CCDC91: variants seen among roughly 807,000 people sequenced by gnomAD.
CCDC91 encodes coiled-coil domain containing 91, also known as coiled-coil domain-containing protein 91.
Under a neutral mutation model 63.2 loss-of-function variants are expected in CCDC91, and 48 were observed. The ratio of observed to expected loss-of-function variants is 0.76; its 90% CI spans 0.60 to 0.97. The LOEUF is 0.97. Among genes scored for constraint, CCDC91 ranks in the 50% least tolerant of loss-of-function variants. CCDC91 has a pLI of 0.00. For missense variants in CCDC91, 500 were observed against 494.6 expected, an observed-to-expected ratio of 1.01 and a Z score of -0.10; for synonymous variants, 167 against 165.8, an observed-to-expected ratio of 1.01 and a Z score of -0.06.
chr12:28,472,019 G>A (rs1171458344), intron 11 of CCDC91, among the ~76,000 whole-genome samples: 1 of 152,128 alleles, frequency 6.6e-6, no homozygotes, highest in Non-Finnish European at 1.5e-5. Flanking sequence ...CCAAAGTTCT[G>A]GGATTACAGG....
chr12:28,427,600 A>C (rs1055240705), intron 8 of CCDC91, among the ~76,000 whole-genome samples: 1 of 152,182 alleles, frequency 6.6e-6, no homozygotes, highest in Non-Finnish European at 1.5e-5. Flanking sequence ...AATAATTGAA[A>C]TATTTTTACC....
intron 7 of CCDC91, among the ~76,000 whole-genome samples, chr12:28,362,910 A>G (rs990489365): frequency 5.9e-5 from 9 of 152,264 alleles, no homozygotes; most frequent in Admixed American, 1.3e-4. Flanking sequence ...AACAAATTAG[A>G]TAGATTTGGG....
intron 3 of CCDC91, among the ~76,000 whole-genome samples, chr12:28,295,968 A>G (rs1323770069): frequency 6.6e-6 from 1 of 152,056 alleles, no homozygotes; most frequent in Non-Finnish European, 1.5e-5. Context: ...AAAAGATACT[A>G]TGATTTTGGA....
chr12:28,216,281 G>C (rs1943557583), intron 1 of CCDC91, among the ~76,000 whole-genome samples: 1 of 151,982 alleles, frequency 6.6e-6, no homozygotes, highest in East Asian at 1.9e-4. Flanking sequence ...CTTTCTCTGT[G>C]TTTCTCACGT....
intron 12 of CCDC91, among the ~76,000 whole-genome samples, chr12:28,525,516 T>G (rs1565523026): frequency 6.6e-6 from 1 of 152,198 alleles, no homozygotes; most frequent in African/African-American, 2.4e-5. Context: ...TTTTGTGGCC[T>G]GTCATATGGT....
At chr12:28,507,347 A>G (rs983510002) in intron 12 of CCDC91, among the ~76,000 whole-genome samples, 1 of 151,978 alleles carries the variant, frequency 6.6e-6, no homozygotes, top group African/African-American at 2.4e-5. Flanking sequence ...TGGGGGCTCT[A>G]CAGTCACTGT....
intron 8 of CCDC91, among the ~76,000 whole-genome samples, chr12:28,393,564 A>G (rs1357808003): frequency 6.6e-6 from 1 of 152,160 alleles, no homozygotes; most frequent in Non-Finnish European, 1.5e-5. Context: ...CATATAGCCT[A>G]AAACAGCCAT....
chr12:28,421,814 A>C (rs1264861362), intron 8 of CCDC91, among the ~76,000 whole-genome samples: 1 of 151,758 alleles, frequency 6.6e-6, no homozygotes, highest in Non-Finnish European at 1.5e-5. Context: ...AAATCAGCCA[A>C]TCTCCCCCTT....
intron 12 of CCDC91, among the ~76,000 whole-genome samples, chr12:28,504,141 A>G (rs962546447): frequency 2.0e-5 from 3 of 151,744 alleles, no homozygotes; most frequent in Non-Finnish European, 4.4e-5. Context: ...AAATAAGTAT[A>G]TTCAAAAGAA....
At chr12:28,235,606 A>AC (rs1421045765) in intron 1 of CCDC91, among the ~76,000 whole-genome samples, 1 of 150,786 alleles carries the variant, frequency 6.6e-6, no homozygotes. Flanking sequence ...AAAAAAAAAA[A>AC]AGACGAGGAA....
At position 28,343,822 on chromosome 12, in the gene CCDC91, T is replaced by C. The variant is rs1468471455; in HGVS notation, c.577-18616T>C. Among the ~76,000 whole-genome samples, 3 of 152,156 alleles carry C rather than the reference T, an allele frequency of 2.0e-5. No homozygotes were observed. The East Asian group carries it at 5.8e-4, about 29-fold the overall frequency. Reference sequence around the variant, plus strand: ...TTTTGGTACACTGGTAATTTTGTAGTCCTATCTAGGCTGATGCCTCTGTTT... The same window carrying C: ...TTTTGGTACACTGGTAATTTTGTAGCCCTATCTAGGCTGATGCCTCTGTTT... On this transcript the variant is annotated intron_variant, in intron 6 of 12. Transcript: ENST00000536442.
chr12:28,413,616 A>C (rs1227278146), intron 8 of CCDC91, among the ~76,000 whole-genome samples: 6 of 152,144 alleles, frequency 3.9e-5, no homozygotes, highest in African/African-American at 1.4e-4. Flanking sequence ...CGTGACAGTG[A>C]TAACAAACTG....
intron 3 of CCDC91, among the ~76,000 whole-genome samples, chr12:28,278,732 A>G (rs1006410915): frequency 1.1e-4 from 17 of 152,076 alleles, no homozygotes; most frequent in Admixed American, 9.2e-4. Context: ...AGCTTTTAAT[A>G]TGCTGTTCTC....
intron 12 of CCDC91, among the ~76,000 whole-genome samples, chr12:28,520,284 C>G (rs915178022): frequency 1.3e-5 from 2 of 152,114 alleles, no homozygotes; most frequent in African/African-American, 2.4e-5. Flanking sequence ...GAGATGGTGT[C>G]TCATTGTGGT....
chr12:28,479,028 G>C (rs1264838891), intron 11 of CCDC91, among the ~76,000 whole-genome samples: 2 of 152,136 alleles, frequency 1.3e-5, no homozygotes, highest in African/African-American at 4.8e-5. Flanking sequence ...CTGTAAATTA[G>C]TTCAACCATC....
chr12:28,515,386 A>C (rs1156850144), intron 12 of CCDC91, among the ~76,000 whole-genome samples: 2 of 151,868 alleles, frequency 1.3e-5, no homozygotes, highest in Non-Finnish European at 2.9e-5. Context: ...TGGATCTTGT[A>C]AAATGGCCTC....
intron 11 of CCDC91, among the ~76,000 whole-genome samples, chr12:28,466,272 A>G (rs1430702022): frequency 4.6e-5 from 7 of 152,164 alleles, no homozygotes; most frequent in Admixed American, 2.0e-4. Flanking sequence ...GAGATAGAGA[A>G]AGAGATGGGG....
intron 3 of CCDC91, among the ~76,000 whole-genome samples, chr12:28,292,833 T>A (rs879945693): frequency 2.0e-5 from 3 of 152,194 alleles, no homozygotes; most frequent in Admixed American, 1.3e-4. Flanking sequence ...AGATGTACAC[T>A]TGGGCAAAGT....
At chr12:28,297,402 A>G (rs1016960345) in intron 3 of CCDC91, among the ~76,000 whole-genome samples, 2 of 151,874 alleles carry the variant, frequency 1.3e-5, no homozygotes, top group African/African-American at 4.8e-5. Context: ...ATGAAAAATG[A>G]TATGTCCAAG....
Sources: allele counts gnomAD v4.1 joint callset (sites outside exome capture counted in the v4.1 genomes callset), GRCh38; gene constraint gnomAD v4.1.1; transcripts MANE v1.5; gene names NCBI Gene and HGNC (gene_info 2026-07-23, HGNC 2026-07-21).